Variants in STK32B observed in about 807,000 individuals in gnomAD.
The protein encoded by STK32B is serine/threonine-protein kinase 32B.
A neutral mutation model predicts 52.6 loss-of-function variants in STK32B; 43 were observed. The observed-to-expected ratio is 0.82, with a 90% CI of 0.64 to 1.05. The LOEUF is 1.05. Ranked by LOEUF, STK32B falls within the 50% of genes least tolerant of loss-of-function variation. STK32B has a pLI of 0.00. For missense variants in STK32B, 621 were observed against 534.6 expected, an observed-to-expected ratio of 1.16 and a Z score of -1.59; for synonymous variants, 238 against 204.3, an observed-to-expected ratio of 1.17 and a Z score of -1.41.
intron 3 of STK32B, among the ~76,000 whole-genome samples, chr4:5,306,670 C>G (rs921743287): frequency 2.0e-5 from 3 of 152,094 alleles, no homozygotes; most frequent in African/African-American, 7.2e-5. Context: ...AGGTACTGTT[C>G]TATTCATTGT....
At chr4:5,027,208 A>G in the STK32B span, among the ~76,000 whole-genome samples, 1 of 152,200 alleles carries the variant, frequency 6.6e-6, no homozygotes, top group South Asian at 2.1e-4. Context: ...CCCAGGTGGA[A>G]AGTTGGCCCA....
chr4:5,241,025 G>T (rs867269288), intron 3 of STK32B, among the ~76,000 whole-genome samples: 3 of 151,926 alleles, frequency 2.0e-5, no homozygotes, highest in Non-Finnish European at 2.9e-5. Flanking sequence ...TTCTTATCAG[G>T]TTAATTACTG....
chr4:5,334,984 G>A (rs1380474044), intron 4 of STK32B, among the ~76,000 whole-genome samples: 3 of 151,932 alleles, frequency 2.0e-5, no homozygotes, highest in Non-Finnish European at 4.4e-5. Context: ...GGATGATGCT[G>A]GCCTCATAAA....
chr4:5,411,732 A>G (rs1401335584), intron 5 of STK32B, among the ~76,000 whole-genome samples: 1 of 152,194 alleles, frequency 6.6e-6, no homozygotes, highest in Non-Finnish European at 1.5e-5. Flanking sequence ...TGACAAATAC[A>G]TTTGAACCAT....
At chr4:5,179,055 T>G (rs779123479) in intron 3 of STK32B, among the ~76,000 whole-genome samples, 2 of 152,192 alleles carry the variant, frequency 1.3e-5, no homozygotes, top group Non-Finnish European at 2.9e-5. Flanking sequence ...ACTGGATAAT[T>G]TATAAAGACA....
intron 11 of STK32B, among the ~76,000 whole-genome samples, chr4:5,473,289 C>T (rs752725737): frequency 6.6e-6 from 1 of 152,180 alleles, no homozygotes; most frequent in South Asian, 2.1e-4. Flanking sequence ...CCTGGTGGCA[C>T]GAGCTTTCAG....
intron 1 of STK32B, among the ~76,000 whole-genome samples, chr4:5,056,466 G>A (rs939697678): frequency 6.6e-6 from 1 of 152,232 alleles, no homozygotes; most frequent in African/African-American, 2.4e-5. Flanking sequence ...AAATGAATGA[G>A]TGAATGAATG....
chr4:5,490,907 C>T (rs1577058113), intron 11 of STK32B, among the ~76,000 whole-genome samples: 3 of 152,266 alleles, frequency 2.0e-5, no homozygotes, highest in East Asian at 3.9e-4. Context: ...ATGAACTCAT[C>T]ATTTTTTATG....
chr4:5,341,350 G>A (rs1247165705), intron 4 of STK32B, among the ~76,000 whole-genome samples: 1 of 152,170 alleles, frequency 6.6e-6, no homozygotes, highest in Non-Finnish European at 1.5e-5. Context: ...AGATGCAAAA[G>A]CAAAAGTAGG....
At chr4:5,130,962 A>G (rs868320077) in intron 1 of STK32B, among the ~76,000 whole-genome samples, 2 of 152,080 alleles carry the variant, frequency 1.3e-5, no homozygotes, top group Non-Finnish European at 2.9e-5. Context: ...ACTTTCCCTG[A>G]TGGTCCCAAG....
chr4:5,477,791 T>A (rs1036767789), intron 11 of STK32B, among the ~76,000 whole-genome samples: 1 of 152,090 alleles, frequency 6.6e-6, no homozygotes, highest in Non-Finnish European at 1.5e-5. Context: ...TCACGTGGCC[T>A]CACTTAACAC....
intron 11 of STK32B, among the ~76,000 whole-genome samples, chr4:5,494,157 CTGTCTAA>C: frequency 6.6e-6 from 1 of 152,244 alleles, no homozygotes; most frequent in South Asian, 2.1e-4. Context: ...TCTCGTTGAT[CTGTCTAA>C]TGTTGACAGT....
At chr4:5,157,014 T>C (rs1284667304) in intron 2 of STK32B, among the ~76,000 whole-genome samples, 1 of 152,152 alleles carries the variant, frequency 6.6e-6, no homozygotes. Context: ...ATTTGATTAA[T>C]AGCAGACTAA....
At chr4:5,335,159 G>A (rs1234197599) in intron 4 of STK32B, among the ~76,000 whole-genome samples, 3 of 152,198 alleles carry the variant, frequency 2.0e-5, no homozygotes, top group Non-Finnish European at 4.4e-5. Context: ...TTCAGATCCT[G>A]TTATTGATCT....
At chr4:5,466,508 G>A (rs190768647) in intron 9 of STK32B, among the ~76,000 whole-genome samples, 195 bp from the exon 10 acceptor site, 13 of 152,284 alleles carry the variant, frequency 8.5e-5, no homozygotes, top group Non-Finnish European at 1.3e-4. Flanking sequence ...GGGACTATGT[G>A]TAAATATATG....
At chr4:5,442,056 G>GAT (rs1714831270) in intron 6 of STK32B, among the ~76,000 whole-genome samples, 1 of 109,610 alleles carries the variant, frequency 9.1e-6, no homozygotes. Context: ...GGTGTGGTGT[G>GAT]GTGCTGAAAA....
At chr4:5,181,367 C>CACACACAG (rs1272404587) in intron 3 of STK32B, among the ~76,000 whole-genome samples, 2 of 96,326 alleles carry the variant, frequency 2.1e-5, no homozygotes, top group African/African-American at 6.3e-5. Context: ...CACACACACA[C>CACACACAG]AGAGATCTCA....
At chr4:5,430,683 C>T (rs1713501695) in intron 6 of STK32B, among the ~76,000 whole-genome samples, 1 of 152,130 alleles carries the variant, frequency 6.6e-6, no homozygotes. Context: ...GTTTCTTTTA[C>T]TACTATGCTT....
At chr4:5,336,172 C>CCA (rs1175688954) in intron 4 of STK32B, among the ~76,000 whole-genome samples, 2 of 146,932 alleles carry the variant, frequency 1.4e-5, no homozygotes, top group Admixed American at 1.4e-4. Context: ...ACACACCCAC[C>CCA]CACACACACA....
Sources: allele counts gnomAD v4.1 joint callset (sites outside exome capture counted in the v4.1 genomes callset), GRCh38; gene constraint gnomAD v4.1.1; transcripts MANE v1.5; gene names NCBI Gene and HGNC (gene_info 2026-07-23, HGNC 2026-07-21).